TMEM132D: variants seen among roughly 807,000 people sequenced by gnomAD.
TMEM132D encodes the protein mature OL transmembrane protein.
Under a neutral mutation model 62.3 loss-of-function variants are expected in TMEM132D, and 21 were observed. The ratio of observed to expected loss-of-function variants is 0.34; its 90% confidence interval spans 0.24 to 0.49. The LOEUF is 0.49. Ranked by LOEUF, TMEM132D falls within the 20% of genes least tolerant of loss-of-function variation. The pLI is 0.99. For synonymous variants in TMEM132D, 621 were observed against 575.6 expected (o/e 1.08, Z -1.13); for missense variants, 1,346 against 1,402.8 (o/e 0.96, Z 0.65).
At chr12:129,488,630 A>G (rs1874660830) in intron 3 of TMEM132D, among the ~76,000 whole-genome samples, 2 of 152,144 alleles carry the variant, frequency 1.3e-5, no homozygotes, top group African/African-American at 4.8e-5. Flanking sequence ...CCAAGATCAC[A>G]CCATAGCACT....
intron 1 of TMEM132D, among the ~76,000 whole-genome samples, chr12:129,809,486 ACTGT>A (rs939103056): frequency 5.9e-5 from 9 of 151,984 alleles, no homozygotes; most frequent in Non-Finnish European, 1.3e-4. Context: ...TTCTGAGACG[ACTGT>A]CTGGGCTGGA....
chr12:129,748,207 T>C (rs897465481), intron 1 of TMEM132D, among the ~76,000 whole-genome samples: 3 of 152,174 alleles, frequency 2.0e-5, no homozygotes, highest in African/African-American at 7.2e-5. Context: ...TAGAGAATGA[T>C]ACAAAAAGGC....
intron 3 of TMEM132D, among the ~76,000 whole-genome samples, chr12:129,512,156 C>G (rs1875514454): frequency 6.6e-6 from 1 of 152,124 alleles, no homozygotes; most frequent in African/African-American, 2.4e-5. Context: ...GACCATGATC[C>G]AACTGGTAGA....
intron 3 of TMEM132D, among the ~76,000 whole-genome samples, chr12:129,388,395 G>A (rs1306994133): frequency 1.8e-4 from 17 of 94,656 alleles, no homozygotes; most frequent in African/African-American, 4.8e-4. Context: ...ACACTAACAC[G>A]AATCCTAATA....
chr12:129,887,327 A>C (rs1874781225), intron 1 of TMEM132D, among the ~76,000 whole-genome samples: 1 of 152,178 alleles, frequency 6.6e-6, no homozygotes, highest in Admixed American at 6.5e-5. Context: ...AGAAGCAGGA[A>C]AATCCACTTC....
intron 3 of TMEM132D, among the ~76,000 whole-genome samples, chr12:129,404,078 G>C (rs914185210): frequency 6.6e-6 from 1 of 152,140 alleles, no homozygotes; most frequent in South Asian, 2.1e-4. Flanking sequence ...GGTTTTACTT[G>C]AGTAACACAG....
At chr12:129,613,704 G>A (rs928625465) in intron 2 of TMEM132D, among the ~76,000 whole-genome samples, 24 of 152,194 alleles carry the variant, frequency 1.6e-4, no homozygotes, top group Admixed American at 7.2e-4. Flanking sequence ...AGACTGGCTC[G>A]AGAACCCAGG....
intron 2 of TMEM132D, among the ~76,000 whole-genome samples, chr12:129,560,355 C>T (rs1566110125): frequency 6.6e-6 from 1 of 151,778 alleles, no homozygotes; most frequent in Non-Finnish European, 1.5e-5. Flanking sequence ...CCACAACCTC[C>T]ACTTCCCAGG....
chr12:129,557,593 G>A (rs112903255), intron 2 of TMEM132D, among the ~76,000 whole-genome samples: 3,174 of 152,262 alleles, frequency 0.021, 93 homozygotes, highest in African/African-American at 0.072. Flanking sequence ...AGGCATGCTT[G>A]TAGTCCCAGC....
chr12:129,539,735 C>T (rs1408179453), intron 2 of TMEM132D, among the ~76,000 whole-genome samples: 2 of 151,984 alleles, frequency 1.3e-5, no homozygotes, highest in Non-Finnish European at 2.9e-5. Context: ...TTAATGTTTT[C>T]GGACCCCAGA....
At chr12:129,354,925 T>C (rs1440190302) in intron 3 of TMEM132D, among the ~76,000 whole-genome samples, 5 of 152,086 alleles carry the variant, frequency 3.3e-5, no homozygotes, top group Admixed American at 1.3e-4. Context: ...CACCTTTCCA[T>C]CCCCCACTAT....
chr12:129,192,435 A>G (rs1052057733), intron 5 of TMEM132D, among the ~76,000 whole-genome samples: 31 of 152,340 alleles, frequency 2.0e-4, no homozygotes, highest in African/African-American at 7.0e-4. Flanking sequence ...TCTTGGATCA[A>G]AGACCTTCCC....
chr12:129,444,663 C>T (rs1269196956), intron 3 of TMEM132D, among the ~76,000 whole-genome samples: 3 of 152,164 alleles, frequency 2.0e-5, no homozygotes, highest in African/African-American at 4.8e-5. Flanking sequence ...TCTCTTTGTC[C>T]GTGTATTCTC....
intron 4 of TMEM132D, among the ~76,000 whole-genome samples, chr12:129,292,924 T>C: frequency 6.6e-6 from 1 of 152,040 alleles, no homozygotes. Context: ...CATCCACAAG[T>C]TAGTCCTCAA....
Position 129,880,974 on chromosome 12 carries a change from C to T in TMEM132D, c.79+22287G>A, listed in dbSNP as rs371931830. Among the ~76,000 whole-genome samples, 11 of 151,820 alleles carry T rather than the reference C, an allele frequency of 7.2e-5. No homozygotes were observed. In the East Asian group the frequency reaches 7.7e-4, roughly 11 times the overall value. Reference sequence around the variant, plus strand: ...GTAACGCCCATTTACACGCTGTCTACGGGAACACATTATGAACACAAAGAC... The same window carrying T: ...GTAACGCCCATTTACACGCTGTCTATGGGAACACATTATGAACACAAAGAC... On this transcript the variant is annotated intron_variant, in intron 1 of 8. Transcript: ENST00000422113.
intron 2 of TMEM132D, among the ~76,000 whole-genome samples, chr12:129,538,028 C>T (rs1262413414): frequency 6.6e-6 from 1 of 152,196 alleles, no homozygotes; most frequent in Non-Finnish European, 1.5e-5. Flanking sequence ...GAAATTCCAA[C>T]ATTTGAAGAC....
At chr12:129,310,221 G>T (rs1176979876) in intron 4 of TMEM132D, among the ~76,000 whole-genome samples, 2 of 152,186 alleles carry the variant, frequency 1.3e-5, no homozygotes, top group Non-Finnish European at 2.9e-5. Flanking sequence ...AGGAGGGTGG[G>T]TGGGAGGTGG....
intron 4 of TMEM132D, among the ~76,000 whole-genome samples, chr12:129,247,720 A>G (rs1384518665): frequency 6.6e-6 from 1 of 152,208 alleles, no homozygotes; most frequent in Non-Finnish European, 1.5e-5. Context: ...TGTAATGTTA[A>G]TAGGGGGGTG....
intron 4 of TMEM132D, among the ~76,000 whole-genome samples, chr12:129,274,030 T>C (rs1195193198): frequency 6.6e-6 from 1 of 151,860 alleles, no homozygotes; most frequent in East Asian, 1.9e-4. Flanking sequence ...CTATACTTCC[T>C]GCAGTTAAGA....
Sources: gnomAD v4.1 joint callset for allele counts (sites outside exome capture counted in the v4.1 genomes callset) on GRCh38, gnomAD v4.1.1 for gene constraint, MANE v1.5 for transcripts, NCBI Gene and HGNC (gene_info 2026-07-23, HGNC 2026-07-21) for gene names.